TRUB2: variants seen among roughly 807,000 people sequenced by gnomAD.
TRUB2 encodes the protein pseudouridylate synthase TRUB2, mitochondrial.
In TRUB2, 31 loss-of-function variants were observed where a neutral mutation model predicts 31.9. The observed-to-expected ratio is 0.97, with a 90% CI of 0.73 to 1.31. The LOEUF is 1.31. Among genes scored for constraint, TRUB2 ranks in the 50% most tolerant of loss-of-function variants. TRUB2 has a pLI of 0.00. For missense variants in TRUB2, 451 were observed against 439.6 expected (o/e 1.03, Z -0.23); for synonymous variants, 201 against 182.6 (o/e 1.10, Z -0.81).
At chr9:128,321,788 T>C in intron 1 of TRUB2, 58 bp from the exon 2 acceptor site, 1 of 1,524,148 alleles carries the variant, frequency 6.6e-7, no homozygotes, top group African/African-American at 1.4e-5. Context: ...ACATATAAAA[T>C]ATTTTTTAAG....
intron 2 of TRUB2, among the ~76,000 whole-genome samples, chr9:128,321,157 C>T (rs1282286167): frequency 1.3e-5 from 2 of 151,510 alleles, no homozygotes; most frequent in Admixed American, 1.3e-4. Flanking sequence ...ACTAGGTGCA[C>T]AGCAAATTCA....
In TRUB2 at chr9:128,309,693, C is replaced by T. The variant is rs1325627428; in HGVS notation, c.853G>A (p.Ala285Thr). 6.2e-7 allele frequency: 1 copy of T among 1,614,232 alleles called. No individual in the cohort carries two copies. Among genetic ancestry groups the T allele is most frequent in the Admixed American group, 1.7e-5 (1 of 60,028 alleles). Residue 285 changes from alanine to threonine, a missense_variant, in exon 8 of 8, where the codon GCT (alanine) becomes ACT (threonine). Coordinates refer to ENST00000372890, the MANE Select transcript of TRUB2 (RefSeq NM_015679.3). ...DLTNIQDAIRAATPQVAAELE... is the reference protein window; with the variant it reads ...DLTNIQDAIRTATPQVAAELE... The stretch of plus-strand genomic sequence containing the variant: ...TCTGCAGCTACCTGAGGGGTAGCAG[C>T]CCGGATAGCATCCTGGATGTTGGTT...
At chr9:128,315,037 A>C (rs566706978) in intron 4 of TRUB2, among the ~76,000 whole-genome samples, 2 of 152,328 alleles carry the variant, frequency 1.3e-5, no homozygotes, top group South Asian at 4.1e-4. Context: ...CATGGGCCCC[A>C]TAACGTGGCA....
intron 2 of TRUB2, among the ~76,000 whole-genome samples, chr9:128,319,875 T>A (rs1047323158): frequency 4.6e-5 from 7 of 151,250 alleles, no homozygotes; most frequent in African/African-American, 1.7e-4. Context: ...CACCTTGGCC[T>A]CCCAAAGTGC....
At chr9:128,310,744 G>C (rs1238567729) in intron 7 of TRUB2, 143 bp downstream of exon 7, 1 of 1,158,586 alleles carries the variant, frequency 8.6e-7, no homozygotes, top group Non-Finnish European at 1.2e-6. Context: ...GTCGGCACCT[G>C]ATGCCTTGGC....
In TRUB2 at chr9:128,306,442, C is replaced by CTCT. The variant is rs908806585; in HGVS notation, c.*3105_*3107dup. 1 of 136,646 alleles carries CTCT rather than the reference C, an allele frequency of 7.3e-6. No individual in the cohort carries two copies. Among genetic ancestry groups the CTCT allele is most frequent in the Admixed American group, 7.5e-5 (1 of 13,294 alleles). 8.5% of individuals were successfully genotyped at this position (136,646 alleles called of 1,614,324 possible). A position where few individuals can be genotyped will look rare whatever the true frequency, so the allele number is the denominator to read the frequency against. On this transcript the variant is annotated 3_prime_UTR_variant, in exon 8 of 8. Transcript: ENST00000372890. ...TATTGCTGATTTTGTTCTGATTTTT[C>CTCT]TCTTTTTTTTTTTTTTTTGAGACAG...
rs1831865868 is a variant in TRUB2, at chr9:128,306,431, TTC to T, written c.*3117_*3118del. On this transcript the variant is annotated 3_prime_UTR_variant, in exon 8 of 8. Transcript: ENST00000372890. ...GCTTGTCTAAATATTGCTGATTTTGTTCTGATTTTTCTCTTTTTTTTTTTTTT... is the reference window on the plus strand; with the variant it reads ...GCTTGTCTAAATATTGCTGATTTTGTTGATTTTTCTCTTTTTTTTTTTTTT... 6.6e-6 allele frequency: 1 copy of T among 151,362 alleles called. No homozygotes were observed. The highest frequency in any genetic ancestry group is 1.5e-5 in the Non-Finnish European group (1 of 67,954). 9.4% of individuals were successfully genotyped at this position (151,362 alleles called of 1,614,324 possible). A position where few individuals can be genotyped will look rare whatever the true frequency, so the allele number is the denominator to read the frequency against.
intron 2 of TRUB2, among the ~76,000 whole-genome samples, chr9:128,317,797 G>A (rs561221262): frequency 3.3e-5 from 5 of 152,340 alleles, no homozygotes; most frequent in Admixed American, 2.6e-4. Flanking sequence ...CCATCTCACA[G>A]CACTGTGGTG....
Position 128,317,234 on chromosome 9 carries a change from G to A in TRUB2, c.242-8C>T, listed in dbSNP as rs777758680. 4.0e-5 allele frequency: 63 copies of A among 1,589,246 alleles called. No homozygotes were observed. The highest frequency in any genetic ancestry group is 5.1e-5 in the Non-Finnish European group (60 of 1,165,934). The stretch of plus-strand genomic sequence containing the variant: ...CGAATGCTGGTCCACATACTGGAAA[G>A]AAACAAACAAGGTCCATTTTCTCAA... On this transcript the variant is annotated splice_region_variant and splice_polypyrimidine_tract_variant and intron_variant, in intron 2 of 7. Transcript: ENST00000372890.
chr9:128,322,211 G>A, intron 1 of TRUB2, 89 bp downstream of exon 1: 1 of 1,095,220 alleles, frequency 9.1e-7, no homozygotes. Flanking sequence ...AATAGGTCAC[G>A]TGATTTTGTT....
rs1420223902 is a variant in TRUB2 at position 128,313,959 on chromosome 9, G to A, written c.379-70C>T. 3.4e-6 allele frequency: 5 copies of A among 1,462,212 alleles called. No individual in the cohort carries two copies. The African/African-American group carries it at 5.6e-5, about 16-fold the overall frequency. 90.6% of individuals were successfully genotyped at this position (1,462,212 alleles called of 1,614,324 possible). A position where few individuals can be genotyped will look rare whatever the true frequency, so the allele number is the denominator to read the frequency against. On this transcript the variant is annotated intron_variant, in intron 4 of 7. Transcript: ENST00000372890. Reference sequence around the variant, plus strand: ...AGCCCTAGTAGCCCCTGCCCCAGAAGCTGGGGGTGGGGGGTCCTCAGGTCT... The same window carrying A: ...AGCCCTAGTAGCCCCTGCCCCAGAAACTGGGGGTGGGGGGTCCTCAGGTCT...
chr9:128,309,870 G>C lies in TRUB2; in HGVS notation c.676C>G (p.Gln226Glu). The C allele has an allele frequency of 1.2e-6, 2 of 1,613,066 alleles. No individual in the cohort carries two copies. The highest frequency in any genetic ancestry group is 1.3e-5 in the African/African-American group (1 of 75,034). Residue 226 changes from glutamine to glutamate, a missense_variant, in exon 8 of 8, where the codon CAG (glutamine) becomes GAG (glutamate). By Grantham distance (29) the Gln-to-Glu change is conservative. Transcript: ENST00000372890. Reference protein sequence around the residue: ...FAPPEFLLEVQCMHETQKELR... With the variant: ...FAPPEFLLEVECMHETQKELR... ...TCTTTCTGCGTCTCATGCATGCACT[G>C]CACCTCTGCCAGGGACACACAATGA... is the stretch of plus-strand genomic sequence containing the variant.
intron 5 of TRUB2, among the ~76,000 whole-genome samples, chr9:128,313,216 CAAAAA>C (rs1201864514): frequency 8.6e-6 from 1 of 116,096 alleles, no homozygotes; most frequent in Non-Finnish European, 1.8e-5. Context: ...GACATCGTTT[CAAAAA>C]AAAAAAAAGA....
rs1008031858 is a variant in TRUB2, at chr9:128,308,973, T to C, written c.*577A>G. The C allele has an allele frequency of 2.8e-4, 42 of 152,712 alleles. No individual in the cohort carries two copies. Among genetic ancestry groups the C allele is most frequent in the African/African-American group, 9.6e-4 (40 of 41,564 alleles). The allele number at this position is 152,712 out of a possible 1,614,324, so 9.5% of individuals were successfully genotyped here. A position where few individuals can be genotyped will look rare whatever the true frequency, so the allele number is the denominator to read the frequency against. The stretch of plus-strand genomic sequence containing the variant: ...AGGTTGAGTGTCATTTCTGGCTTAC[T>C]AGCCATTTGGATTTCTTCTGATACA... On this transcript the variant is annotated 3_prime_UTR_variant, in exon 8 of 8. Coordinates refer to ENST00000372890, the MANE Select transcript of TRUB2 (RefSeq NM_015679.3).
chr9:128,315,566 C>T lies in TRUB2; in HGVS notation c.378+1G>A. The T allele has an allele frequency of 1.2e-6, 2 of 1,613,382 alleles. No individual in the cohort carries two copies. The highest frequency in any genetic ancestry group is 1.7e-6 in the Non-Finnish European group (2 of 1,179,742). On this transcript the variant is annotated splice_donor_variant, in intron 4 of 7. Transcript: ENST00000372890. LOFTEE classifies it high-confidence loss of function. ...AGCAGGCTGTCCCCAGACCCTCGTA[C>T]CTTGGTAAGATGAGCATTGTACATA...
rs1383489576 is a variant in TRUB2 at position 128,306,849 on chromosome 9, C to T, written c.*2701G>A. The T allele has an allele frequency of 1.3e-5, 2 of 152,150 alleles. No individual in the cohort carries two copies. Among genetic ancestry groups the T allele is most frequent in the African/African-American group, 4.8e-5 (2 of 41,438 alleles). 9.4% of individuals were successfully genotyped at this position (152,150 alleles called of 1,614,324 possible). Reference sequence around the variant, plus strand: ...CTCCTGGGCTTCAGCGATTCTTGTGCCTCAGCCTCCCAAGTAGCTAGGATT... The same window carrying T: ...CTCCTGGGCTTCAGCGATTCTTGTGTCTCAGCCTCCCAAGTAGCTAGGATT... On this transcript the variant is annotated 3_prime_UTR_variant, in exon 8 of 8. Coordinates refer to ENST00000372890, the MANE Select transcript of TRUB2 (RefSeq NM_015679.3).
rs761824111 is a variant in TRUB2 at position 128,315,613 on chromosome 9, T to A, written c.332A>T (p.His111Leu). The A allele has an allele frequency of 1.2e-6, 2 of 1,613,462 alleles. No homozygotes were observed. The highest frequency in any genetic ancestry group is 1.7e-6 in the Non-Finnish European group (2 of 1,179,842). The stretch of plus-strand genomic sequence containing the variant: ...CATATCGGTGAGGAGCCTGCATCCA[T>A]GTCCCACGCCGAGCACTGAAAAGCA... Reference protein sequence around the residue: ...ASGVLVLGVGHGCRLLTDMYN... With the variant: ...ASGVLVLGVGLGCRLLTDMYN... The change falls in exon 4 of 8, where the codon CAT (histidine) becomes CTT (leucine). Residue 111 changes from histidine to leucine, a missense_variant. Physicochemically the swap from His to Leu is moderately conservative, Grantham distance 99. Coordinates refer to ENST00000372890, the MANE Select transcript of TRUB2 (RefSeq NM_015679.3).
intron 2 of TRUB2, among the ~76,000 whole-genome samples, chr9:128,319,877 C>T (rs1832132224): frequency 6.7e-6 from 1 of 149,370 alleles, no homozygotes; most frequent in Admixed American, 6.7e-5. Flanking sequence ...CCTTGGCCTC[C>T]CAAAGTGCAG....
intron 2 of TRUB2, among the ~76,000 whole-genome samples, chr9:128,319,262 C>G (rs1351198403): frequency 6.6e-6 from 1 of 150,442 alleles, no homozygotes; most frequent in African/African-American, 2.5e-5. Context: ...GGAGGAGAAG[C>G]TTGCAGTGAG....
Sources: gnomAD v4.1 joint callset for allele counts (sites outside exome capture counted in the v4.1 genomes callset) on GRCh38, gnomAD v4.1.1 for gene constraint, MANE v1.5 for transcripts, NCBI Gene and HGNC (gene_info 2026-07-23, HGNC 2026-07-21) for gene names.